ETV1: variants seen among roughly 807,000 people sequenced by gnomAD.
ETV1 encodes ETS translocation variant 1.
Under a neutral mutation model 62.3 loss-of-function variants are expected in ETV1, and 27 were observed. The ratio of observed to expected loss-of-function variants is 0.43; its 90% CI spans 0.32 to 0.60. The LOEUF (loss-of-function observed/expected upper bound fraction) is 0.60, where lower values mean the gene tolerates loss of function less well. Ranked by LOEUF, ETV1 falls within the 20% of genes least tolerant of loss-of-function variation. ETV1 has a pLI of 0.06. For missense variants in ETV1, 605 were observed against 605.8 expected (o/e 1.00, Z 0.01); for synonymous variants, 222 against 199.6 (o/e 1.11, Z -0.94).
At chr7:13,937,009 T>A (rs1786880870) in intron 7 of ETV1, among the ~76,000 whole-genome samples, 1 of 152,038 alleles carries the variant, frequency 6.6e-6, no homozygotes, top group African/African-American at 2.4e-5. Context: ...GCCACTGCAC[T>A]CCAGCCTGGC....
intron 5 of ETV1, chr7:13,985,210 G>A (rs1374363640): frequency 6.6e-6 from 1 of 151,960 alleles, no homozygotes; most frequent in Non-Finnish European, 1.5e-5. Context: ...GTTAATACAA[G>A]AATCTCCATG....
At chr7:13,898,233 GAC>G (rs1191427005) in intron 13 of ETV1, among the ~76,000 whole-genome samples, 2 of 152,070 alleles carry the variant, frequency 1.3e-5, no homozygotes, top group East Asian at 3.9e-4. Flanking sequence ...GCAACACTGA[GAC>G]AGACAGAAAA....
At chr7:13,939,045 A>G in intron 7 of ETV1, 72 bp downstream of exon 7, 1 of 1,443,878 alleles carries the variant, frequency 6.9e-7, no homozygotes, top group Non-Finnish European at 9.4e-7. Context: ...ATGACTTGAG[A>G]TTTCATATTA....
chr7:13,977,509 A>T (rs1562709567), intron 5 of ETV1, 29 bp from the exon 6 acceptor site: 5 of 1,483,768 alleles, frequency 3.4e-6, no homozygotes, highest in Non-Finnish European at 4.6e-6. Flanking sequence ...ATTAAAAAAA[A>T]TTAAGAGAGA....
chr7:13,896,385 T>C (rs559668634), intron 13 of ETV1, among the ~76,000 whole-genome samples: 28 of 152,304 alleles, frequency 1.8e-4, no homozygotes, highest in South Asian at 2.1e-4. Flanking sequence ...TAAACTTACA[T>C]CGTTGTTTTG....
chr7:13,980,357 G>T (rs773652213), intron 5 of ETV1, among the ~76,000 whole-genome samples: 2 of 152,090 alleles, frequency 1.3e-5, no homozygotes, highest in Admixed American at 6.5e-5. Context: ...TTCAATTCAG[G>T]GGAATACTGT....
chr7:13,953,736 C>A (rs541901667), intron 6 of ETV1, among the ~76,000 whole-genome samples: 1 of 151,888 alleles, frequency 6.6e-6, no homozygotes, highest in Non-Finnish European at 1.5e-5. Context: ...CACACCTCCA[C>A]CAGGATGCCA....
At chr7:13,896,902 A>T (rs1781903700) in intron 13 of ETV1, among the ~76,000 whole-genome samples, 1 of 152,134 alleles carries the variant, frequency 6.6e-6, no homozygotes, top group Non-Finnish European at 1.5e-5. Flanking sequence ...GATGTGTGTA[A>T]AGTGTCAAAT....
intron 11 of ETV1, among the ~76,000 whole-genome samples, chr7:13,908,818 G>T (rs1783249764): frequency 6.6e-6 from 1 of 152,046 alleles, no homozygotes; most frequent in South Asian, 2.1e-4. Context: ...TTATAGCCAT[G>T]ACCCCCAAAG....
chr7:13,931,398 TA>T (rs1470975783), intron 9 of ETV1, 103 bp downstream of exon 9: 5 of 1,244,758 alleles, frequency 4.0e-6, no homozygotes, highest in Non-Finnish European at 4.5e-6. Context: ...AAGATCTTAT[TA>T]AAAAATGGTC....
chr7:13,977,369 A>C, intron 6 of ETV1, 58 bp downstream of exon 6: 1 of 1,194,872 alleles, frequency 8.4e-7, no homozygotes, highest in Non-Finnish European at 1.2e-6. Flanking sequence ...AAGAGAAAGA[A>C]GAAAGAAGGA....
intron 9 of ETV1, among the ~76,000 whole-genome samples, chr7:13,926,385 A>G (rs533761195): frequency 2.0e-5 from 3 of 152,336 alleles, no homozygotes; most frequent in African/African-American, 7.2e-5. Context: ...CCAACCACCT[A>G]ACACTTTCAG....
Position 13,893,805 on chromosome 7 carries a change from T to C in ETV1, c.*2061A>G, listed in dbSNP as rs1482931372. ...ACATCTGTTTTTATTCTAAGTGCTGTAGATGGCCACATAAGCATAGTGGGG... is the reference window on the plus strand; with the variant it reads ...ACATCTGTTTTTATTCTAAGTGCTGCAGATGGCCACATAAGCATAGTGGGG... On this transcript the variant is annotated 3_prime_UTR_variant, in exon 14 of 14. Coordinates refer to ENST00000430479, the MANE Select transcript of ETV1 (RefSeq NM_004956.5). The C allele has an allele frequency of 8.6e-6, 2 of 232,938 alleles. No individual in the cohort carries two copies. Among genetic ancestry groups the C allele is most frequent in the East Asian group, 6.1e-5 (1 of 16,432 alleles). The allele number at this position is 232,938 out of a possible 1,614,324, so 14.4% of individuals were successfully genotyped here. A position where few individuals can be genotyped will look rare whatever the true frequency, so the allele number is the denominator to read the frequency against.
At chr7:13,938,327 T>C (rs1787054921) in intron 7 of ETV1, among the ~76,000 whole-genome samples, 2 of 152,172 alleles carry the variant, frequency 1.3e-5, no homozygotes, top group Non-Finnish European at 1.5e-5. Flanking sequence ...GAAGACCCCT[T>C]TGGGTCATAA....
At chr7:13,916,679 G>T (rs1366472944) in intron 9 of ETV1, among the ~76,000 whole-genome samples, 3 of 146,924 alleles carry the variant, frequency 2.0e-5, no homozygotes, top group African/African-American at 7.5e-5. Flanking sequence ...ATGTAATCTT[G>T]GCACTTTGGG....
chr7:13,971,691 A>G (rs1562700668), intron 6 of ETV1, among the ~76,000 whole-genome samples: 1 of 152,248 alleles, frequency 6.6e-6, no homozygotes, highest in Non-Finnish European at 1.5e-5. Flanking sequence ...AGTCACTATC[A>G]TGTGAATCAC....
At chr7:13,972,878 G>C (rs769403826) in intron 6 of ETV1, among the ~76,000 whole-genome samples, 1 of 152,102 alleles carries the variant, frequency 6.6e-6, no homozygotes, top group Non-Finnish European at 1.5e-5. Context: ...CAAAGTGCCA[G>C]GATTATAGGC....
chr7:13,965,452 G>T (rs1790675100), intron 6 of ETV1, among the ~76,000 whole-genome samples: 1 of 151,936 alleles, frequency 6.6e-6, no homozygotes, highest in South Asian at 2.1e-4. Context: ...TAGCCACGCA[G>T]ATTTTTTTTT....
In ETV1 at chr7:13,911,277, C is replaced by T; in HGVS notation, c.833G>A (p.Arg278Lys). The T allele has an allele frequency of 6.2e-7, 1 of 1,612,914 alleles. No individual in the cohort carries two copies. The highest frequency in any genetic ancestry group is 1.7e-5 in the Admixed American group (1 of 59,956). ...GGGATGAGCCAGGAAGCCTTCTTGCCTCATATAAATGGAGTGGCAGCTAGG... is the reference window on the plus strand; with the variant it reads ...GGGATGAGCCAGGAAGCCTTCTTGCTTCATATAAATGGAGTGGCAGCTAGG... Reference protein sequence around the residue: ...EVPSCHSIYMRQEGFLAHPSR... With the variant: ...EVPSCHSIYMKQEGFLAHPSR... The change falls in exon 10 of 14, where the codon AGG becomes AAG. Residue 278 changes from arginine to lysine, a missense_variant. By Grantham distance (26) the Arg-to-Lys change is conservative. This residue lies in a region of ETV1 where 426 missense variants were observed against 377.8 expected (regional missense o/e 1.13). Transcript: ENST00000430479.
Sources: gnomAD v4.1 joint callset for allele counts (sites outside exome capture counted in the v4.1 genomes callset) on GRCh38, gnomAD v4.1.1 for gene constraint, gnomAD v4.1.1 regional missense constraint, MANE v1.5 for transcripts, NCBI Gene and HGNC (gene_info 2026-07-23, HGNC 2026-07-21) for gene names.